Variants in RHNO1 observed in about 807,000 individuals in gnomAD.
RHNO1 encodes RAD9-HUS1-RAD1 interacting nuclear orphan 1.
A neutral mutation model predicts 7.2 loss-of-function variants in RHNO1; 9 were observed. The observed-to-expected ratio is 1.25, with a 90% CI of 0.75 to 2.18. The LOEUF (loss-of-function observed/expected upper bound fraction) is 2.18, where lower values mean the gene tolerates loss of function less well. Among genes scored for constraint, RHNO1 ranks in the 30% most tolerant of loss-of-function variants. The pLI is 0.00. For synonymous variants in RHNO1, 95 were observed against 107.5 expected (o/e 0.88, Z 0.72); for missense variants, 292 against 284.5 (o/e 1.03, Z -0.19).
chr12:2,887,071 T>A, intron 2 of RHNO1: 2 of 437,450 alleles, frequency 4.6e-6, no homozygotes, highest in Non-Finnish European at 9.4e-6. Context: ...GACCAGGTGT[T>A]GTGGCTTACG....
At chr12:2,887,265 G>A (rs1301846304) in intron 2 of RHNO1, among the ~76,000 whole-genome samples, 1 of 152,050 alleles carries the variant, frequency 6.6e-6, no homozygotes, top group East Asian at 1.9e-4. Flanking sequence ...ATCACCTGAG[G>A]TCAAGAGTTC....
chr12:2,879,748 T>C (rs1355749659), intron 1 of RHNO1, among the ~76,000 whole-genome samples: 1 of 151,808 alleles, frequency 6.6e-6, no homozygotes, highest in Non-Finnish European at 1.5e-5. Flanking sequence ...ATTGAAGTCA[T>C]CTACTTCTAG....
chr12:2,885,038 T>G (rs1426588664), intron 1 of RHNO1: 2 of 254,984 alleles, frequency 7.8e-6, no homozygotes, highest in African/African-American at 2.3e-5. Flanking sequence ...AGTTAATGAT[T>G]GTTGAATAAA....
In RHNO1 at chr12:2,888,290, C is replaced by G. The variant is rs1226382875; in HGVS notation, c.548C>G (p.Thr183Ser). 22 of 1,614,032 alleles carry G rather than the reference C, an allele frequency of 1.4e-5. No individual in the cohort carries two copies. The highest frequency in any genetic ancestry group is 6.7e-5 in the African/African-American group (5 of 74,892). The stretch of plus-strand genomic sequence containing the variant: ...AAGGAAAACAGCCTTCTAAGCTGCA[C>G]TCTTCACACTGGCACTCCTAATAGC... ...DQKENSLLSC[T>S]LHTGTPNSPE... is the part of the protein sequence containing the mutation. Residue 183 changes from threonine to serine, a missense_variant, in exon 3 of 3, where the codon ACT becomes AGT. Thr to Ser is a moderately conservative substitution (Grantham distance 58). Coordinates refer to ENST00000489288, the MANE Select transcript of RHNO1 (RefSeq NM_001252499.3).
rs368260061 is a variant in RHNO1, at chr12:2,885,614, G to A, written c.168+80G>A. ...TTTTGAGACGGAGTCTCGCTCTATCGCCCAGGCTGGAGCACAGTGGCGCGA... is the reference window on the plus strand; with the variant it reads ...TTTTGAGACGGAGTCTCGCTCTATCACCCAGGCTGGAGCACAGTGGCGCGA... On this transcript the variant is annotated intron_variant, in intron 2 of 2. Coordinates refer to ENST00000489288, the MANE Select transcript of RHNO1 (RefSeq NM_001252499.3). 1.9e-4 allele frequency: 240 copies of A among 1,244,930 alleles called. 2 individuals carry two copies. The East Asian group carries it at 2.9e-3, about 15-fold the overall frequency. 77.1% of individuals were successfully genotyped at this position (1,244,930 alleles called of 1,614,324 possible).
At chr12:2,885,706 C>A in intron 2 of RHNO1, 172 bp downstream of exon 2, 1 of 551,956 alleles carries the variant, frequency 1.8e-6, no homozygotes, top group Non-Finnish European at 3.0e-6. Flanking sequence ...TCCCGAGGAG[C>A]TGGAACTACA....
chr12:2,885,835 A>C, intron 2 of RHNO1: 1 of 200,346 alleles, frequency 5.0e-6, no homozygotes, highest in Non-Finnish European at 1.0e-5. Context: ...TCGGCCTCCC[A>C]AAATGCTGGG....
intron 1 of RHNO1, among the ~76,000 whole-genome samples, chr12:2,883,509 ATATTTTTTTTTTT>A (rs1216264014): frequency 1.7e-4 from 4 of 24,230 alleles, no homozygotes; most frequent in African/African-American, 1.1e-3. Context: ...ATATATATAT[ATATTTTTTTTTTT>A]TTTTTTTTTT....
intron 1 of RHNO1, among the ~76,000 whole-genome samples, chr12:2,883,260 C>A (rs1269229359): frequency 6.7e-6 from 1 of 150,346 alleles, no homozygotes; most frequent in African/African-American, 2.4e-5. Context: ...GCTGTAGTCC[C>A]AGCTACTTGG....
intron 1 of RHNO1, among the ~76,000 whole-genome samples, chr12:2,877,680 A>G (rs772630945): frequency 5.9e-5 from 9 of 152,080 alleles, no homozygotes; most frequent in Non-Finnish European, 1.0e-4. Flanking sequence ...TCAGCGCGAA[A>G]CCTGTCTTTT....
chr12:2,888,222 A>C lies in RHNO1; in HGVS notation c.480A>C (p.Pro160=), dbSNP rs567646178. 4 of 1,614,140 alleles carry C rather than the reference A, an allele frequency of 2.5e-6. No homozygotes were observed. Among genetic ancestry groups the C allele is most frequent in the African/African-American group, 2.7e-5 (2 of 75,044 alleles). The change falls in exon 3 of 3, where the codon CCA becomes CCC. Residue 160 remains proline, a synonymous_variant. Coordinates refer to ENST00000489288, the MANE Select transcript of RHNO1 (RefSeq NM_001252499.3). ...YVFIPPDIQT[P]ESSSVKEELI... ...TCATTCCACCTGATATCCAGACCCC[A>C]GAGTCATCGTCTGTGAAGGAAGAAC...
At chr12:2,887,886 A>G (rs753974113) in intron 2 of RHNO1, 25 bp from the exon 3 acceptor site, 2 of 1,475,798 alleles carry the variant, frequency 1.4e-6, no homozygotes, top group Non-Finnish European at 1.8e-6. Context: ...AGTTAGGCTC[A>G]CCTCACTTTT....
At chr12:2,883,521 T>A (rs1366835463) in intron 1 of RHNO1, among the ~76,000 whole-genome samples, 80 of 75,908 alleles carry the variant, frequency 1.1e-3, no homozygotes, top group South Asian at 2.0e-3. Context: ...ATTTTTTTTT[T>A]TTTTTTTTTT....
chr12:2,879,282 G>C (rs543302208), intron 1 of RHNO1, among the ~76,000 whole-genome samples: 4 of 152,096 alleles, frequency 2.6e-5, no homozygotes, highest in African/African-American at 7.2e-5. Flanking sequence ...GGCATTACAG[G>C]CATGAGCCAC....
At chr12:2,884,559 C>T (rs1417727191) in intron 1 of RHNO1, among the ~76,000 whole-genome samples, 1 of 151,688 alleles carries the variant, frequency 6.6e-6, no homozygotes, top group Non-Finnish European at 1.5e-5. Flanking sequence ...GACGAGGTTT[C>T]ACCATGTTGG....
intron 1 of RHNO1, among the ~76,000 whole-genome samples, chr12:2,881,918 A>G (rs2098158317): frequency 6.6e-6 from 1 of 150,686 alleles, no homozygotes. Flanking sequence ...AAAAAAAAAG[A>G]AAGAAAAAAA....
intron 1 of RHNO1, among the ~76,000 whole-genome samples, chr12:2,880,954 A>G (rs2098156788): frequency 6.6e-6 from 1 of 151,938 alleles, no homozygotes; most frequent in Admixed American, 6.6e-5. Context: ...AAGTTTTAAG[A>G]TAATCTTTGT....
At chr12:2,883,072 A>AAAAAAAAAAAAAAAC (rs2098160179) in intron 1 of RHNO1, among the ~76,000 whole-genome samples, 2 of 65,156 alleles carry the variant, frequency 3.1e-5, no homozygotes, top group African/African-American at 1.4e-4. Flanking sequence ...GTCTCAAAAA[A>AAAAAAAAAAAAAAAC]AAAAAAAAAA....
intron 1 of RHNO1, among the ~76,000 whole-genome samples, chr12:2,883,517 T>A (rs1160137749): frequency 6.0e-3 from 196 of 32,514 alleles, no homozygotes; most frequent in South Asian, 0.014. Context: ...ATATATTTTT[T>A]TTTTTTTTTT....
Sources: allele counts gnomAD v4.1 joint callset (sites outside exome capture counted in the v4.1 genomes callset), GRCh38; gene constraint gnomAD v4.1.1; transcripts MANE v1.5; gene names NCBI Gene and HGNC (gene_info 2026-07-23, HGNC 2026-07-21).